Variants in SLC22A5 observed in about 807,000 individuals in gnomAD.
SLC22A5 encodes the protein solute carrier family 22 member 5, also known as organic cation/carnitine transporter 2.
Under a neutral mutation model 56.7 loss-of-function variants are expected in SLC22A5, and 44 were observed. The ratio of observed to expected loss-of-function variants is 0.78; its 90% CI spans 0.61 to 1.00. The LOEUF is 1.00. Ranked by LOEUF, SLC22A5 falls within the 50% of genes least tolerant of loss-of-function variation. The pLI, the probability that SLC22A5 is intolerant of heterozygous loss-of-function variation, is 0.00. For synonymous variants in SLC22A5, 278 were observed against 292.1 expected (o/e 0.95, Z 0.49); for missense variants, 675 against 723.0 (o/e 0.93, Z 0.76).
rs1561577556 is a variant in SLC22A5, at chr5:132,393,808, A to G, written c.1583A>G (p.Lys528Arg). The G allele has an allele frequency of 6.2e-7, 1 of 1,614,190 alleles. No individual in the cohort carries two copies. Among genetic ancestry groups the G allele is most frequent in the Non-Finnish European group, 8.5e-7 (1 of 1,180,010 alleles). Reference protein sequence around the residue: ...PDTIDQMLRVKGMKHRKTPSH... With the variant: ...PDTIDQMLRVRGMKHRKTPSH... Reference sequence around the variant, plus strand: ...ACCATTGACCAGATGCTAAGAGTCAAAGGGTAAGAAGACCTCCTCTGTCAG... The same window carrying G: ...ACCATTGACCAGATGCTAAGAGTCAGAGGGTAAGAAGACCTCCTCTGTCAG... Residue 528 changes from lysine to arginine, a missense_variant, in exon 9 of 10, where the codon AAA becomes AGA. Transcript: ENST00000245407.
At chr5:132,383,837 T>A (rs1008309422) in intron 2 of SLC22A5, 7 of 340,304 alleles carry the variant, frequency 2.1e-5, no homozygotes, top group South Asian at 7.8e-5. Context: ...GATTCTTTTT[T>A]AAAAAAAATA....
intron 1 of SLC22A5, among the ~76,000 whole-genome samples, chr5:132,375,002 C>T (rs189276893): frequency 2.2e-3 from 330 of 152,122 alleles, no homozygotes; most frequent in African/African-American, 7.4e-3. Context: ...TGCAGTGAGC[C>T]GAGATTGTGC....
intron 4 of SLC22A5, 53 bp downstream of exon 4, chr5:132,385,552 G>A: frequency 6.7e-7 from 1 of 1,496,032 alleles, no homozygotes; most frequent in Non-Finnish European, 9.3e-7. Context: ...TTTCTGTCTG[G>A]CCTTCACTAG....
At position 132,369,948 on chromosome 5, in the gene SLC22A5, C is replaced by T. The variant is rs886059907; in HGVS notation, c.-25C>T. ...CGCCGCGTTCCCCGACCCCAGGCCG[C>T]GCTCTGTGGGCCTCTGAGGGCGGCA... On this transcript the variant is annotated 5_prime_UTR_variant, in exon 1 of 10. Transcript: ENST00000245407. 1.9e-6 allele frequency: 3 copies of T among 1,611,060 alleles called. No individual in the cohort carries two copies. Among genetic ancestry groups the T allele is most frequent in the Non-Finnish European group, 2.5e-6 (3 of 1,178,966 alleles).
intron 1 of SLC22A5, among the ~76,000 whole-genome samples, chr5:132,373,506 C>G (rs1234768160): frequency 6.6e-6 from 1 of 152,100 alleles, no homozygotes; most frequent in Non-Finnish European, 1.5e-5. Flanking sequence ...TGTGGTGGCA[C>G]ATGCCTGTAT....
At chr5:132,387,204 G>A in intron 5 of SLC22A5, 53 bp downstream of exon 5, 1 of 1,610,118 alleles carries the variant, frequency 6.2e-7, no homozygotes, top group Non-Finnish European at 8.5e-7. Context: ...TGATTTGAGA[G>A]CAGCAGCACC....
At chr5:132,379,651 A>G (rs1248205724) in intron 2 of SLC22A5, 1 of 151,568 alleles carries the variant, frequency 6.6e-6, no homozygotes, top group Non-Finnish European at 1.5e-5. Flanking sequence ...TGCCCAGCTA[A>G]TTTTGTATTT....
chr5:132,394,701 G>A lies in SLC22A5; in HGVS notation c.*429G>A, dbSNP rs1363386979. ...TCCCCTCTAGTGGTGAACTTTAGAG[G>A]AAAAGGAAGTAATTGCACAAGGAGT... On this transcript the variant is annotated 3_prime_UTR_variant, in exon 10 of 10. Coordinates refer to ENST00000245407, the MANE Select transcript of SLC22A5 (RefSeq NM_003060.4). 1 of 186,094 alleles carries A rather than the reference G, an allele frequency of 5.4e-6. No homozygotes were observed. Among genetic ancestry groups the A allele is most frequent in the Admixed American group, 5.4e-5 (1 of 18,358 alleles). 11.5% of individuals were successfully genotyped at this position (186,094 alleles called of 1,614,324 possible).
At chr5:132,384,100 G>C in intron 2 of SLC22A5, 47 bp from the exon 3 acceptor site, 1 of 1,605,476 alleles carries the variant, frequency 6.2e-7, no homozygotes, top group South Asian at 1.1e-5. Context: ...GCCCATTCCT[G>C]CTGCCCTTTT....
intron 8 of SLC22A5, among the ~76,000 whole-genome samples, chr5:132,393,215 T>A (rs970184578): frequency 6.6e-6 from 1 of 152,128 alleles, no homozygotes; most frequent in African/African-American, 2.4e-5. Flanking sequence ...TCAGAGTGCT[T>A]TGTGAACATG....
At chr5:132,371,164 A>C (rs1482645600) in intron 1 of SLC22A5, among the ~76,000 whole-genome samples, 1 of 151,942 alleles carries the variant, frequency 6.6e-6, no homozygotes, top group African/African-American at 2.4e-5. Flanking sequence ...ACGGGGTTTC[A>C]CCGTGTTGGC....
chr5:132,384,433 TG>T (rs1462101130), intron 3 of SLC22A5, 132 bp downstream of exon 3: 2 of 968,282 alleles, frequency 2.1e-6, no homozygotes, highest in African/African-American at 1.6e-5. Flanking sequence ...CAGAGCTTCC[TG>T]GTGAACCTTA....
intron 6 of SLC22A5, chr5:132,390,157 C>G: frequency 5.0e-6 from 1 of 198,444 alleles, no homozygotes; most frequent in Non-Finnish European, 1.0e-5. Context: ...ACAAGTACCG[C>G]GGGGCTGGTG....
intron 4 of SLC22A5, 50 bp from the exon 5 acceptor site, chr5:132,386,975 G>T (rs1752552019): frequency 6.2e-7 from 1 of 1,608,638 alleles, no homozygotes; most frequent in Non-Finnish European, 8.5e-7. Context: ...TGGTCTGTGG[G>T]TCTGCTGTTG....
intron 5 of SLC22A5, 76 bp downstream of exon 5, chr5:132,387,227 C>T: frequency 6.4e-7 from 1 of 1,567,318 alleles, no homozygotes; most frequent in Non-Finnish European, 8.8e-7. Context: ...GCCCTGAAGT[C>T]CTCCCTGCTC....
rs551153027 is a variant in SLC22A5 at position 132,393,765 on chromosome 5, G to A, written c.1540G>A (p.Gly514Ser). The A allele has an allele frequency of 1.2e-5, 20 of 1,614,012 alleles. No individual in the cohort carries two copies. Among genetic ancestry groups the A allele is most frequent in the Admixed American group, 8.3e-5 (5 of 60,004 alleles). The change falls in exon 9 of 10, where the codon GGT becomes AGT. Residue 514 changes from glycine to serine, a missense_variant. Gly to Ser is a moderately conservative substitution (Grantham distance 56). Transcript: ENST00000245407. ...ILTLFLPESF[G>S]TPLPDTIDQM... Reference sequence around the variant, plus strand: ...CACCTTGTTTCTCCCAGAGAGCTTCGGTACCCCACTCCCAGACACCATTGA... The same window carrying A: ...CACCTTGTTTCTCCCAGAGAGCTTCAGTACCCCACTCCCAGACACCATTGA...
At chr5:132,384,553 C>G (rs1752458116) in intron 3 of SLC22A5, among the ~76,000 whole-genome samples, 1 of 152,136 alleles carries the variant, frequency 6.6e-6, no homozygotes, top group African/African-American at 2.4e-5. Flanking sequence ...GGCTGTGGCT[C>G]CTTGGTCTTA....
chr5:132,393,583 T>G, intron 8 of SLC22A5, 93 bp from the exon 9 acceptor site: 1 of 1,413,012 alleles, frequency 7.1e-7, no homozygotes, highest in Non-Finnish European at 1.0e-6. Context: ...AGGAAAGTGA[T>G]CCCCTTCCAG....
intron 2 of SLC22A5, chr5:132,380,923 G>T (rs1451733717): frequency 6.6e-6 from 1 of 151,922 alleles, no homozygotes; most frequent in Admixed American, 6.6e-5. Context: ...AGGTTGCCTG[G>T]GGAGAGGGGA....
Sources: allele counts gnomAD v4.1 joint callset (sites outside exome capture counted in the v4.1 genomes callset), GRCh38; gene constraint gnomAD v4.1.1; transcripts MANE v1.5; gene names NCBI Gene and HGNC (gene_info 2026-07-23, HGNC 2026-07-21).